Variants in CMTM4 observed in about 807,000 individuals in gnomAD.
CMTM4 encodes CKLF like MARVEL transmembrane domain containing 4.
In CMTM4, 8 loss-of-function variants were observed where a neutral mutation model predicts 19.0. The observed-to-expected ratio is 0.42, with a 90% CI of 0.25 to 0.76. CMTM4 has a LOEUF of 0.76. CMTM4 is among the 30% of genes least tolerant of loss of function. The pLI is 0.27. For missense variants in CMTM4, 228 were observed against 290.2 expected, an observed-to-expected ratio of 0.79 and a Z score of 1.56; for synonymous variants, 106 against 121.1, an observed-to-expected ratio of 0.88 and a Z score of 0.82.
At chr16:66,667,967 G>GT (rs1228825396) in intron 1 of CMTM4, among the ~76,000 whole-genome samples, 3 of 149,074 alleles carry the variant, frequency 2.0e-5, no homozygotes, top group Non-Finnish European at 4.4e-5. Flanking sequence ...ACTTTTCCCT[G>GT]TTTTTTTGTT....
chr16:66,637,364 G>A (rs1476763415), intron 1 of CMTM4, among the ~76,000 whole-genome samples: 2 of 152,044 alleles, frequency 1.3e-5, no homozygotes, highest in African/African-American at 4.8e-5. Flanking sequence ...GACCAACATG[G>A]AGAAACCCCC....
Position 66,620,389 on chromosome 16 carries a change from G to A in CMTM4, c.*1669C>T, listed in dbSNP as rs1362267995. The A allele has an allele frequency of 5.1e-6, 5 of 985,362 alleles. No individual in the cohort carries two copies. The highest frequency in any genetic ancestry group is 6.0e-6 in the Non-Finnish European group (5 of 829,980). The allele number at this position is 985,362 out of a possible 1,614,324, so 61.0% of individuals were successfully genotyped here. ...GGTCAGCCCCTGAGGCAGACGTGGT[G>A]CTCAGCCACATAGCCTGGGACACTG... On this transcript the variant is annotated 3_prime_UTR_variant, in exon 4 of 4. Coordinates refer to ENST00000394106, the MANE Select transcript of CMTM4 (RefSeq NM_181521.3).
chr16:66,615,796 A>G lies in CMTM4; in HGVS notation c.*6262T>C, dbSNP rs561879570. On this transcript the variant is annotated 3_prime_UTR_variant, in exon 4 of 4. Transcript: ENST00000394106. This position sits in a 1 kb window ranked among gnomAD's most constrained non-coding sequence, Gnocchi z 4.9. Reference sequence around the variant, plus strand: ...ATTTTACACCCAAAGACAGGAGGTCAGGGCTCTGATGCTACTCTTCTGTTT... The same window carrying G: ...ATTTTACACCCAAAGACAGGAGGTCGGGGCTCTGATGCTACTCTTCTGTTT... 6.6e-6 allele frequency: 1 copy of G among 152,384 alleles called. No individual in the cohort carries two copies. The highest frequency in any genetic ancestry group is 2.1e-4 in the South Asian group (1 of 4,832). The allele number at this position is 152,384 out of a possible 1,614,324, so 9.4% of individuals were successfully genotyped here.
At position 66,636,237 on chromosome 16, in the gene CMTM4, T is replaced by C. The variant is rs1030770314; in HGVS notation, c.363+168A>G. 4.6e-4 allele frequency among the ~76,000 whole-genome samples: 70 copies of C among 152,358 alleles called. 1 individual carries two copies. Among genetic ancestry groups the C allele is most frequent in the African/African-American group, 1.7e-3 (69 of 41,580 alleles). On this transcript the variant is annotated intron_variant, in intron 2 of 3. Transcript: ENST00000394106. ...AGTTAAGATTCAGTTTATTTTGTAG[T>C]TTTACTTAACCCAGTAAAGAAATTT...
Position 66,622,268 on chromosome 16 carries a change from C to T in CMTM4, c.463-46G>A. On this transcript the variant is annotated intron_variant, in intron 3 of 3. Coordinates refer to ENST00000394106, the MANE Select transcript of CMTM4 (RefSeq NM_181521.3). The surrounding 1 kb of genome is among the most constrained non-coding windows in gnomAD (Gnocchi z 4.0). ...TTAGTCCTCGGGCACGTGGCCTGGC[C>T]CCTCAAGGCTTCTGTGGTGACCCAA... is the stretch of plus-strand genomic sequence containing the variant. 1.9e-6 allele frequency: 3 copies of T among 1,597,176 alleles called. No individual in the cohort carries two copies. Among genetic ancestry groups the T allele is most frequent in the Non-Finnish European group, 2.6e-6 (3 of 1,171,732 alleles).
chr16:66,617,350 T>G lies in CMTM4; in HGVS notation c.*4708A>C. On this transcript the variant is annotated 3_prime_UTR_variant, in exon 4 of 4. Transcript: ENST00000394106. ...TTTCCTTACTGTTACGTTTGTGGAG[T>G]AGGAAAAACTAGAAAGGAAAAAAAA... 6.2e-7 allele frequency: 1 copy of G among 1,612,036 alleles called. No individual in the cohort carries two copies. The highest frequency in any genetic ancestry group is 8.5e-7 in the Non-Finnish European group (1 of 1,179,432).
At chr16:66,686,756 A>T (rs1035217312) in intron 1 of CMTM4, among the ~76,000 whole-genome samples, 27 of 151,724 alleles carry the variant, frequency 1.8e-4, no homozygotes, top group African/African-American at 2.7e-4. Context: ...TTTTTTTTTT[A>T]AATGTTCAGA....
intron 1 of CMTM4, among the ~76,000 whole-genome samples, chr16:66,667,977 T>G (rs1362951865): frequency 8.0e-6 from 1 of 125,638 alleles, no homozygotes; most frequent in African/African-American, 2.9e-5. Flanking sequence ...GTTTTTTTGT[T>G]TTTTTTGTGA....
chr16:66,683,194 C>CATGTATATATAT (rs2016968097), intron 1 of CMTM4, among the ~76,000 whole-genome samples: 2 of 107,716 alleles, frequency 1.9e-5, no homozygotes, highest in African/African-American at 8.0e-5. Flanking sequence ...TATATATATA[C>CATGTATATATAT]ATATATATAT....
rs2015564438 is a variant in CMTM4 at position 66,618,339 on chromosome 16, T to C, written c.*3719A>G. On this transcript the variant is annotated 3_prime_UTR_variant, in exon 4 of 4. Transcript: ENST00000394106. ...GTCAGGCAGTGGCACAAAGACTTCA[T>C]GACTGTTTTGTTTTGAACACAGATG... 1.0e-6 allele frequency: 1 copy of C among 985,342 alleles called. No homozygotes were observed. Among genetic ancestry groups the C allele is most frequent in the Non-Finnish European group, 1.2e-6 (1 of 829,946 alleles). The allele number at this position is 985,342 out of a possible 1,614,324, so 61.0% of individuals were successfully genotyped here.
chr16:66,609,819 G>A, downstream of CMTM4: 1 of 1,614,098 alleles, frequency 6.2e-7, no homozygotes, highest in Non-Finnish European at 8.5e-7. The surrounding 1 kb of genome is among the most constrained non-coding windows in gnomAD (Gnocchi z 4.4). Context: ...CCGTGAGGCT[G>A]GGGCAGCAGC....
In CMTM4 at chr16:66,620,324, G is replaced by A. The variant is rs2015606971; in HGVS notation, c.*1734C>T. ...GTGAGCTGGCCTGGCTGCCCTCTCT[G>A]TGGGAGCAGAGGGGAGACGAGTTGT... On this transcript the variant is annotated 3_prime_UTR_variant, in exon 4 of 4. Transcript: ENST00000394106. 2 of 985,370 alleles carry A rather than the reference G, an allele frequency of 2.0e-6. No homozygotes were observed. The highest frequency in any genetic ancestry group is 1.7e-5 in the African/African-American group (1 of 57,248). 61.0% of individuals were successfully genotyped at this position (985,370 alleles called of 1,614,324 possible).
chr16:66,659,323 C>T (rs1003881841), intron 1 of CMTM4, among the ~76,000 whole-genome samples: 3 of 151,168 alleles, frequency 2.0e-5, no homozygotes, highest in Admixed American at 6.6e-5. Context: ...TGCAGTGAGC[C>T]GAGATCGTGC....
chr16:66,683,180 T>TATATATATATATATAC (rs1491498902), intron 1 of CMTM4, among the ~76,000 whole-genome samples: 7 of 85,664 alleles, frequency 8.2e-5, no homozygotes, highest in East Asian at 4.0e-4. Flanking sequence ...TATATACATA[T>TATATATATATATATAC]GTATATATAT....
At chr16:66,689,442 C>T (rs1192194589) in intron 1 of CMTM4, among the ~76,000 whole-genome samples, 1 of 152,168 alleles carries the variant, frequency 6.6e-6, no homozygotes, top group African/African-American at 2.4e-5. Flanking sequence ...GAAACGGTCT[C>T]ACTCTGTTGC....
Position 66,618,920 on chromosome 16 carries a change from G to A in CMTM4, c.*3138C>T, listed in dbSNP as rs756203587. 2 of 985,532 alleles carry A rather than the reference G, an allele frequency of 2.0e-6. No individual in the cohort carries two copies. The highest frequency in any genetic ancestry group is 2.4e-6 in the Non-Finnish European group (2 of 829,974). The allele number at this position is 985,532 out of a possible 1,614,324, so 61.0% of individuals were successfully genotyped here. Reference sequence around the variant, plus strand: ...CCCAGGGCCAAGCGCTCAGAGCTGGGCCGGACTTGCCCATGCTGGCTTCAG... The same window carrying A: ...CCCAGGGCCAAGCGCTCAGAGCTGGACCGGACTTGCCCATGCTGGCTTCAG... On this transcript the variant is annotated 3_prime_UTR_variant, in exon 4 of 4. Transcript: ENST00000394106.
At chr16:66,608,259 A>C in the CMTM4 span, 93 of 1,606,174 alleles carry the variant, frequency 5.8e-5, no homozygotes, top group Non-Finnish European at 7.5e-5. The surrounding 1 kb of genome is among the most constrained non-coding windows in gnomAD (Gnocchi z 5.1). Context: ...GGAGCACTGG[A>C]CAAGGAACAT....
Position 66,694,868 on chromosome 16 carries a change from T to C in CMTM4, c.186+1472A>G, listed in dbSNP as rs2017203358. On this transcript the variant is annotated intron_variant, in intron 1 of 3. Transcript: ENST00000394106. ...TTTAAAATTCTGAAGACAGATTATC[T>C]GATCCATTTTTCTTTCCATAAAGCC... 2.0e-5 allele frequency among the ~76,000 whole-genome samples: 3 copies of C among 152,176 alleles called. No homozygotes were observed. The South Asian group carries it at 6.2e-4, about 31-fold the overall frequency.
chr16:66,609,862 T>C (rs1181900429), downstream of CMTM4: 1 of 1,614,154 alleles, frequency 6.2e-7, no homozygotes, highest in Non-Finnish European at 8.5e-7. This position sits in a 1 kb window ranked among gnomAD's most constrained non-coding sequence, Gnocchi z 4.4. Context: ...CTGTGATGCA[T>C]CCCATCCACC....
Sources: allele counts gnomAD v4.1 joint callset (sites outside exome capture counted in the v4.1 genomes callset), GRCh38; gene constraint gnomAD v4.1.1; non-coding constraint Gnocchi (gnomAD v3.1); transcripts MANE v1.5; gene names NCBI Gene and HGNC (gene_info 2026-07-23, HGNC 2026-07-21).